Variants in MARCHF3 observed in about 807,000 individuals in gnomAD.
The protein encoded by MARCHF3 is membrane associated ring-CH-type finger 3, also known as E3 ubiquitin-protein ligase MARCHF3.
In MARCHF3, 13 loss-of-function variants were observed where a neutral mutation model predicts 24.2. The ratio of observed to expected loss-of-function variants is 0.54; its 90% confidence interval spans 0.35 to 0.85. The LOEUF (loss-of-function observed/expected upper bound fraction) is 0.85, where lower values mean the gene tolerates loss of function less well. MARCHF3 is among the 40% of genes least tolerant of loss of function. MARCHF3 has a pLI of 0.01. For missense variants in MARCHF3, 276 were observed against 325.0 expected, an observed-to-expected ratio of 0.85 and a Z score of 1.16; for synonymous variants, 144 against 137.3, an observed-to-expected ratio of 1.05 and a Z score of -0.34.
At chr5:126,875,808 T>G (rs568179139) in intron 4 of MARCHF3, among the ~76,000 whole-genome samples, 1 of 152,342 alleles carries the variant, frequency 6.6e-6, no homozygotes, top group African/African-American at 2.4e-5. Context: ...GGTGCTTGCA[T>G]GTATGTTCTC....
chr5:127,009,347 GA>G (rs1444668927), intron 1 of MARCHF3, among the ~76,000 whole-genome samples: 3 of 152,076 alleles, frequency 2.0e-5, no homozygotes, highest in African/African-American at 4.8e-5. Context: ...ACAAAAACAA[GA>G]AAAAATATCC....
intron 1 of MARCHF3, among the ~76,000 whole-genome samples, chr5:126,977,615 C>T (rs930180769): frequency 6.6e-6 from 1 of 152,144 alleles, no homozygotes; most frequent in African/African-American, 2.4e-5. Flanking sequence ...TATTACAATG[C>T]ATATATTCAT....
intron 1 of MARCHF3, among the ~76,000 whole-genome samples, chr5:126,918,440 C>G (rs1490791245): frequency 6.6e-6 from 1 of 152,044 alleles, no homozygotes; most frequent in African/African-American, 2.4e-5. Flanking sequence ...ATGAATAAGA[C>G]AGCAAGCATG....
At chr5:126,901,238 A>T (rs930981302) in intron 3 of MARCHF3, among the ~76,000 whole-genome samples, 3 of 152,136 alleles carry the variant, frequency 2.0e-5, no homozygotes, top group Non-Finnish European at 4.4e-5. Flanking sequence ...CTAACCCCTT[A>T]ACTCTGTAAA....
intron 4 of MARCHF3, among the ~76,000 whole-genome samples, chr5:126,877,625 T>C (rs923015883): frequency 6.6e-6 from 1 of 152,218 alleles, no homozygotes; most frequent in Admixed American, 6.5e-5. Flanking sequence ...GCTTCTCAGC[T>C]AGATAAATTA....
intron 3 of MARCHF3, among the ~76,000 whole-genome samples, chr5:126,902,972 C>A (rs766360397): frequency 3.3e-5 from 5 of 152,028 alleles, no homozygotes; most frequent in Non-Finnish European, 5.9e-5. Flanking sequence ...CATACTCAGG[C>A]ACAAGATGTT....
intron 1 of MARCHF3, among the ~76,000 whole-genome samples, chr5:126,988,074 G>A (rs1464558903): frequency 6.6e-6 from 1 of 152,086 alleles, no homozygotes; most frequent in African/African-American, 2.4e-5. Flanking sequence ...GAAAGAACTA[G>A]GAGGGCCAGA....
chr5:126,952,713 C>T (rs1225991818), intron 1 of MARCHF3, among the ~76,000 whole-genome samples: 1 of 152,058 alleles, frequency 6.6e-6, no homozygotes, highest in African/African-American at 2.4e-5. Context: ...CAACTTGGGA[C>T]AGTATCTTAA....
At chr5:127,020,333 G>A (rs968530656) in intron 1 of MARCHF3, among the ~76,000 whole-genome samples, 2 of 152,186 alleles carry the variant, frequency 1.3e-5, no homozygotes, top group African/African-American at 4.8e-5. Flanking sequence ...AGGGACAAGA[G>A]GATTAAAGTG....
intron 1 of MARCHF3, among the ~76,000 whole-genome samples, chr5:126,974,976 G>T (rs1488608959): frequency 1.3e-5 from 2 of 152,188 alleles, no homozygotes; most frequent in Non-Finnish European, 2.9e-5. Context: ...TTTATTTATT[G>T]AGATGGAGTC....
intron 1 of MARCHF3, among the ~76,000 whole-genome samples, chr5:126,987,365 A>G (rs1209303637): frequency 6.6e-6 from 1 of 152,202 alleles, no homozygotes; most frequent in African/African-American, 2.4e-5. Context: ...AAAGAAAGAA[A>G]ATAAAAAAGA....
chr5:127,019,168 T>C (rs1752720514), intron 1 of MARCHF3, among the ~76,000 whole-genome samples: 1 of 152,234 alleles, frequency 6.6e-6, no homozygotes, highest in South Asian at 2.1e-4. Context: ...AGAATAATTA[T>C]TGATTTTGGC....
At chr5:126,898,798 A>G in intron 3 of MARCHF3, 1 of 945,416 alleles carries the variant, frequency 1.1e-6, no homozygotes, top group Non-Finnish European at 1.3e-6. Flanking sequence ...TTTGAACCTC[A>G]CTACTTATTC....
intron 1 of MARCHF3, among the ~76,000 whole-genome samples, chr5:127,020,066 G>A (rs1752746376): frequency 6.6e-6 from 1 of 152,194 alleles, no homozygotes; most frequent in Non-Finnish European, 1.5e-5. Flanking sequence ...ACTTTAGCAT[G>A]AGTAGCCAGT....
intron 3 of MARCHF3, among the ~76,000 whole-genome samples, chr5:126,892,609 T>C (rs1332925153): frequency 1.3e-5 from 2 of 149,962 alleles, no homozygotes; most frequent in Non-Finnish European, 2.9e-5. Flanking sequence ...TTGCGTATAT[T>C]GAACCAACCT....
chr5:126,933,521 T>C (rs1749542383), intron 1 of MARCHF3, among the ~76,000 whole-genome samples: 1 of 151,710 alleles, frequency 6.6e-6, no homozygotes, highest in East Asian at 1.9e-4. Flanking sequence ...CTCGGCTCAC[T>C]GCAAGCTCCG....
intron 3 of MARCHF3, among the ~76,000 whole-genome samples, chr5:126,895,121 A>G (rs1433638476): frequency 2.0e-5 from 3 of 151,934 alleles, no homozygotes; most frequent in African/African-American, 7.3e-5. Context: ...AGGCTTCTGC[A>G]TTCTTCACGT....
At chr5:126,919,065 A>G (rs969614967) in intron 1 of MARCHF3, among the ~76,000 whole-genome samples, 1 of 152,204 alleles carries the variant, frequency 6.6e-6, no homozygotes, top group Non-Finnish European at 1.5e-5. Flanking sequence ...TCTATCACCA[A>G]TTAAACATAA....
chr5:126,912,536 A>G (rs1475794364), intron 3 of MARCHF3, among the ~76,000 whole-genome samples: 1 of 152,208 alleles, frequency 6.6e-6, no homozygotes, highest in Non-Finnish European at 1.5e-5. Context: ...AGTAACACTA[A>G]TCTTAATCCT....
Sources: allele counts gnomAD v4.1 joint callset (sites outside exome capture counted in the v4.1 genomes callset), GRCh38; gene constraint gnomAD v4.1.1; transcripts MANE v1.5; gene names NCBI Gene and HGNC (gene_info 2026-07-23, HGNC 2026-07-21).